Variants in GLG1 observed in about 807,000 individuals in gnomAD.
GLG1 encodes golgi glycoprotein 1.
Under a neutral mutation model 160.5 loss-of-function variants are expected in GLG1, and 38 were observed. That is an observed-to-expected ratio of 0.24 (90% confidence interval 0.18 to 0.31). The LOEUF (loss-of-function observed/expected upper bound fraction) is 0.31. Ranked by LOEUF, GLG1 falls within the 10% of genes least tolerant of loss-of-function variation. The pLI is 1.00. For missense variants in GLG1, 1,373 were observed against 1,505.2 expected, an observed-to-expected ratio of 0.91 and a Z score of 1.45; for synonymous variants, 644 against 543.4, an observed-to-expected ratio of 1.19 and a Z score of -2.57.
At chr16:74,529,835 G>C (rs1288457177) in intron 2 of GLG1, among the ~76,000 whole-genome samples, 2 of 7,532 alleles carry the variant, frequency 2.7e-4, no homozygotes, top group South Asian at 3.8e-3. Flanking sequence ...TTTTTTTTTT[G>C]TGACGGAGTC....
chr16:74,522,570 CTT>C (rs1037714992), intron 2 of GLG1, among the ~76,000 whole-genome samples: 1 of 152,058 alleles, frequency 6.6e-6, no homozygotes, highest in African/African-American at 2.4e-5. Flanking sequence ...ACTGGCTTTT[CTT>C]TGTTGCTCTG....
Position 74,552,235 on chromosome 16 carries a change from C to T in GLG1, c.439-20082G>A, listed in dbSNP as rs1277627529. The T allele has an allele frequency of 7.4e-6, 4 of 543,854 alleles. No individual in the cohort carries two copies. In the East Asian group the frequency reaches 1.4e-4, roughly 19 times the overall value. The allele number at this position is 543,854 out of a possible 1,614,324, so 33.7% of individuals were successfully genotyped here. A position where few individuals can be genotyped will look rare whatever the true frequency, so the allele number is the denominator to read the frequency against. On this transcript the variant is annotated intron_variant, in intron 1 of 25. Coordinates refer to ENST00000422840, the MANE Select transcript of GLG1 (RefSeq NM_001145667.2). ...AGGTCTCTCCAGCCCCGGACCTGGGCCCTGCAGCCACCAAGATGCTGATGC... is the reference window on the plus strand; with the variant it reads ...AGGTCTCTCCAGCCCCGGACCTGGGTCCTGCAGCCACCAAGATGCTGATGC...
At chr16:74,579,379 G>A (rs145893439) in intron 1 of GLG1, among the ~76,000 whole-genome samples, 150 of 151,982 alleles carry the variant, frequency 9.9e-4, no homozygotes, top group Middle Eastern at 3.4e-3. Context: ...TTGTGCCAGT[G>A]CACTCCAGGC....
chr16:74,553,245 A>T (rs2018253608), intron 1 of GLG1, among the ~76,000 whole-genome samples: 1 of 151,336 alleles, frequency 6.6e-6, no homozygotes, highest in African/African-American at 2.4e-5. Context: ...AATTTTTTTT[A>T]AAGACAGGGT....
In GLG1 at chr16:74,462,090, C is replaced by A; in HGVS notation, c.3036+4G>T. 1 of 1,532,128 alleles carries A rather than the reference C, an allele frequency of 6.5e-7. No homozygotes were observed. 94.9% of individuals were successfully genotyped at this position (1,532,128 alleles called of 1,614,324 possible). A position where few individuals can be genotyped will look rare whatever the true frequency, so the allele number is the denominator to read the frequency against. On this transcript the variant is annotated splice_donor_region_variant and intron_variant, in intron 22 of 25. Transcript: ENST00000422840. Reference sequence around the variant, plus strand: ...GCGTAACCAGTTTTGCACGCAAATCCCACCTCGTCTGAGCAGTGCAGCTGG... The same window carrying A: ...GCGTAACCAGTTTTGCACGCAAATCACACCTCGTCTGAGCAGTGCAGCTGG...
chr16:74,539,812 G>C (rs1882859172), intron 1 of GLG1, among the ~76,000 whole-genome samples: 1 of 146,940 alleles, frequency 6.8e-6, no homozygotes, highest in African/African-American at 2.5e-5. Flanking sequence ...ACTTTGAGAA[G>C]TCAAATTACA....
chr16:74,567,822 C>A (rs1289382775), intron 1 of GLG1, among the ~76,000 whole-genome samples: 2 of 152,020 alleles, frequency 1.3e-5, no homozygotes, highest in African/African-American at 2.4e-5. Flanking sequence ...CCCGCCTCGG[C>A]CTCCCAAAGT....
intron 1 of GLG1, among the ~76,000 whole-genome samples, chr16:74,551,949 T>C (rs969473131): frequency 3.3e-5 from 5 of 151,394 alleles, no homozygotes; most frequent in Non-Finnish European, 7.4e-5. Flanking sequence ...TCTTTCTAGT[T>C]TTCCTTTTCC....
chr16:74,536,971 G>A (rs1023144419), intron 1 of GLG1, among the ~76,000 whole-genome samples: 18 of 151,960 alleles, frequency 1.2e-4, no homozygotes, highest in African/African-American at 2.9e-4. Context: ...TAGAAGTCTG[G>A]GCTTCAAAAA....
At chr16:74,606,599 G>A (rs1316149557) in intron 1 of GLG1, 58 bp downstream of exon 1, 21 of 1,436,846 alleles carry the variant, frequency 1.5e-5, no homozygotes, top group Non-Finnish European at 2.0e-5. Context: ...TCCAAGGCCG[G>A]CAACACCCTC....
intron 11 of GLG1, among the ~76,000 whole-genome samples, 190 bp from the exon 12 acceptor site, chr16:74,477,723 C>T (rs185002133): frequency 6.6e-6 from 1 of 152,082 alleles, no homozygotes; most frequent in Admixed American, 6.6e-5. Context: ...CATGTAATCC[C>T]AGCACTTTGG....
At position 74,470,193 on chromosome 16, in the gene GLG1, C is replaced by T. The variant is rs148799428; in HGVS notation, c.2230-120G>A. On this transcript the variant is annotated intron_variant, in intron 15 of 25. Transcript: ENST00000422840. ...TTTACAAGACCCTGCATGGCTTGACCCACACGTGAGACATCACGACCTGCT... is the reference window on the plus strand; with the variant it reads ...TTTACAAGACCCTGCATGGCTTGACTCACACGTGAGACATCACGACCTGCT... 58 of 707,922 alleles carry T rather than the reference C, an allele frequency of 8.2e-5. No individual in the cohort carries two copies. The Middle Eastern group carries it at 1.2e-3, about 14-fold the overall frequency. The allele number at this position is 707,922 out of a possible 1,614,324, so 43.9% of individuals were successfully genotyped here.
intron 1 of GLG1, among the ~76,000 whole-genome samples, chr16:74,586,440 A>G (rs1417694720): frequency 6.6e-6 from 1 of 152,194 alleles, no homozygotes; most frequent in Non-Finnish European, 1.5e-5. Context: ...CAATGAAATT[A>G]TATCATGCTT....
In GLG1 at chr16:74,493,082, T is replaced by A. The variant is rs1482334767; in HGVS notation, c.1109A>T (p.Tyr370Phe). 1 of 1,613,752 alleles carries A rather than the reference T, an allele frequency of 6.2e-7. No individual in the cohort carries two copies. Among genetic ancestry groups the A allele is most frequent in the Non-Finnish European group, 8.5e-7 (1 of 1,179,784 alleles). Residue 370 changes from tyrosine to phenylalanine, a missense_variant, in exon 7 of 26, where the codon TAT becomes TTT. Physicochemically the swap from Tyr to Phe is conservative, Grantham distance 22. Coordinates refer to ENST00000422840, the MANE Select transcript of GLG1 (RefSeq NM_001145667.2). Reference protein sequence around the residue: ...KLIAQDYKVSYSLAKSCKSDL... With the variant: ...KLIAQDYKVSFSLAKSCKSDL... The stretch of plus-strand genomic sequence containing the variant: ...ACTTTTACAGGATTTGGCCAATGAA[T>A]AACTGACTTTATAATCCTGGGCAAT...
At chr16:74,512,260 C>CG (rs2016835607) in intron 2 of GLG1, among the ~76,000 whole-genome samples, 1 of 140,884 alleles carries the variant, frequency 7.1e-6, no homozygotes, top group South Asian at 2.4e-4. Flanking sequence ...GGTGACAGAG[C>CG]GAGAATCCAT....
chr16:74,558,734 A>T (rs925947200), intron 1 of GLG1, among the ~76,000 whole-genome samples: 3 of 152,234 alleles, frequency 2.0e-5, no homozygotes, highest in Admixed American at 6.5e-5. Flanking sequence ...TTTTGACCCT[A>T]CGAGTTTCAT....
intron 1 of GLG1, among the ~76,000 whole-genome samples, chr16:74,604,526 G>C (rs1342524273): frequency 6.6e-6 from 1 of 152,214 alleles, no homozygotes; most frequent in Non-Finnish European, 1.5e-5. Context: ...GGTACGGATA[G>C]GAAAATGTTC....
intron 5 of GLG1, among the ~76,000 whole-genome samples, 183 bp downstream of exon 5, chr16:74,496,258 A>G (rs968713868): frequency 5.3e-5 from 8 of 152,092 alleles, no homozygotes; most frequent in Non-Finnish European, 1.0e-4. Flanking sequence ...CCACAGCAAG[A>G]TCCTGTCTCA....
chr16:74,551,841 T>G (rs1474937943), intron 1 of GLG1, among the ~76,000 whole-genome samples: 1 of 151,870 alleles, frequency 6.6e-6, no homozygotes, highest in Admixed American at 6.6e-5. Context: ...TTTTTGCACC[T>G]GCAGATCCTT....
Sources: gnomAD v4.1 joint callset for allele counts (sites outside exome capture counted in the v4.1 genomes callset) on GRCh38, gnomAD v4.1.1 for gene constraint, MANE v1.5 for transcripts, NCBI Gene and HGNC (gene_info 2026-07-23, HGNC 2026-07-21) for gene names.